DAB1: variants seen among roughly 807,000 people sequenced by gnomAD.
The protein encoded by DAB1 is disabled homolog 1.
A neutral mutation model predicts 64.6 loss-of-function variants in DAB1; 15 were observed. That is an observed-to-expected ratio of 0.23 (90% confidence interval 0.16 to 0.36). The LOEUF (loss-of-function observed/expected upper bound fraction) is 0.36, where lower values mean the gene tolerates loss of function less well. Ranked by LOEUF, DAB1 falls within the 10% of genes least tolerant of loss-of-function variation. DAB1 has a pLI of 1.00. For missense variants in DAB1, 596 were observed against 706.7 expected, an observed-to-expected ratio of 0.84 and a Z score of 1.78; for synonymous variants, 235 against 251.9, an observed-to-expected ratio of 0.93 and a Z score of 0.64.
Position 57,645,647 on chromosome 1 carries a change from TAA to T in DAB1, n.625+3943_625+3944del, listed in dbSNP as rs376229766. Among the ~76,000 whole-genome samples, 548 of 152,314 alleles carry T rather than the reference TAA, an allele frequency of 3.6e-3. 4 individuals are homozygous for T. The highest frequency in any genetic ancestry group is 0.012 in the African/African-American group (507 of 41,570). ...ACCCTTTCACATGCATTATTTTGTT[TAA>T]GTCTTACAACAATACTCTATGGAAA... On this transcript the variant is annotated intron_variant and non_coding_transcript_variant, in intron 7 of 20. Transcript: ENST00000485760.
At chr1:58,507,948 C>T (rs61781789) in intron 2 of DAB1, among the ~76,000 whole-genome samples, 11,499 of 152,156 alleles carry the variant, frequency 0.076, 471 homozygotes, top group Middle Eastern at 0.16. Context: ...TACAAATTCA[C>T]GAATTATCTA....
At chr1:57,255,003 A>AT (rs985626063) in intron 2 of DAB1, among the ~76,000 whole-genome samples, 2 of 151,974 alleles carry the variant, frequency 1.3e-5, no homozygotes, top group African/African-American at 4.8e-5. Context: ...AAAGACTACT[A>AT]TTTTTTTTCT....
chr1:57,597,663 T>G (rs1265040395), intron 7 of DAB1, among the ~76,000 whole-genome samples: 1 of 152,372 alleles, frequency 6.6e-6, no homozygotes, highest in African/African-American at 2.4e-5. Context: ...TACTGCACCC[T>G]TAGAATGGGC....
chr1:57,825,552 G>A (rs1462822166), downstream of DAB1, among the ~76,000 whole-genome samples: 2 of 152,204 alleles, frequency 1.3e-5, no homozygotes, highest in Non-Finnish European at 2.9e-5. Flanking sequence ...GGAGGAAGGT[G>A]ACTTGAGTGG....
intron 7 of DAB1, among the ~76,000 whole-genome samples, chr1:57,442,264 T>C (rs191562528): frequency 1.3e-5 from 2 of 152,346 alleles, no homozygotes; most frequent in African/African-American, 2.4e-5. Flanking sequence ...ACTTGGTATA[T>C]GGTAATGTAA....
chr1:57,682,840 G>A (rs1646652131), intron 6 of DAB1, among the ~76,000 whole-genome samples: 1 of 152,192 alleles, frequency 6.6e-6, no homozygotes. Context: ...CTGCCAGACA[G>A]GAGAGAACAG....
intron 3 of DAB1, among the ~76,000 whole-genome samples, chr1:58,400,726 G>T (rs967027470): frequency 6.6e-6 from 1 of 152,024 alleles, no homozygotes; most frequent in Admixed American, 6.6e-5. Flanking sequence ...TGATAGTGTG[G>T]GCATAACAAA....
chr1:58,446,629 GC>G (rs1369250293), intron 3 of DAB1, among the ~76,000 whole-genome samples: 2 of 152,170 alleles, frequency 1.3e-5, no homozygotes, highest in Admixed American at 6.5e-5. Context: ...AGAGACTTGT[GC>G]TCTGCCAAAT....
At chr1:58,068,582 G>A (rs190691776) in intron 5 of DAB1, among the ~76,000 whole-genome samples, 1,929 of 151,876 alleles carry the variant, frequency 0.013, 38 homozygotes, top group African/African-American at 0.044. Flanking sequence ...TGGCTAACAC[G>A]GTGAAACCCC....
chr1:58,019,273 C>G (rs956456499), intron 5 of DAB1, among the ~76,000 whole-genome samples: 1 of 151,878 alleles, frequency 6.6e-6, no homozygotes, highest in Non-Finnish European at 1.5e-5. Context: ...CTATAGAGGC[C>G]CAATTCACTG....
intron 6 of DAB1, among the ~76,000 whole-genome samples, chr1:57,763,669 C>A (rs778902421): frequency 2.6e-5 from 4 of 152,048 alleles, no homozygotes; most frequent in Non-Finnish European, 5.9e-5. Flanking sequence ...CAAAGCAAGA[C>A]CTTATCTCTT....
chr1:57,162,110 T>C (rs1419767171), intron 2 of DAB1, among the ~76,000 whole-genome samples: 3 of 152,230 alleles, frequency 2.0e-5, no homozygotes, highest in Admixed American at 6.5e-5. Context: ...GCATTTTCCC[T>C]GCGAGAATGC....
chr1:57,499,671 AGG>A (rs1348271147), intron 7 of DAB1, among the ~76,000 whole-genome samples: 1 of 152,188 alleles, frequency 6.6e-6, no homozygotes, highest in African/African-American at 2.4e-5. Context: ...ACTGAAATGA[AGG>A]CCTTGCAGGT....
intron 4 of DAB1, among the ~76,000 whole-genome samples, chr1:58,292,261 C>A (rs746553229): frequency 2.6e-5 from 4 of 152,056 alleles, no homozygotes; most frequent in Non-Finnish European, 5.9e-5. Context: ...CTGGAGAAAC[C>A]TCATCATTGA....
intron 4 of DAB1, among the ~76,000 whole-genome samples, chr1:58,328,826 A>C (rs1460049724): frequency 1.3e-5 from 2 of 152,046 alleles, no homozygotes; most frequent in Admixed American, 1.3e-4. Flanking sequence ...GGTTGGTCTC[A>C]AACTCCTGAC....
intron 1 of DAB1, among the ~76,000 whole-genome samples, chr1:58,538,533 T>C (rs1646553895): frequency 6.6e-6 from 1 of 152,204 alleles, no homozygotes; most frequent in Non-Finnish European, 1.5e-5. Context: ...AATAACTTTT[T>C]AAAGAGATAT....
At chr1:58,492,981 C>T (rs1645726071) in intron 3 of DAB1, among the ~76,000 whole-genome samples, 2 of 152,150 alleles carry the variant, frequency 1.3e-5, no homozygotes, top group Admixed American at 1.3e-4. Context: ...AATTTTAGAC[C>T]AATATCCCTG....
chr1:57,361,765 G>A (rs1420242246), intron 1 of DAB1, among the ~76,000 whole-genome samples: 1 of 152,102 alleles, frequency 6.6e-6, no homozygotes, highest in African/African-American at 2.4e-5. Context: ...ACTTTTGGAA[G>A]AGAACTAAAC....
At chr1:58,296,681 A>G (rs75471015) in intron 4 of DAB1, among the ~76,000 whole-genome samples, 203 of 152,288 alleles carry the variant, frequency 1.3e-3, no homozygotes, top group African/African-American at 4.4e-3. Context: ...CTATGCCTCC[A>G]TAGTACTGTG....
Sources: allele counts gnomAD v4.1 joint callset (sites outside exome capture counted in the v4.1 genomes callset), GRCh38; gene constraint gnomAD v4.1.1; transcripts MANE v1.5; gene names NCBI Gene and HGNC (gene_info 2026-07-23, HGNC 2026-07-21).